The following TRAM2 variants were observed in gnomAD, a reference collection of about 807,000 sequenced individuals.
TRAM2 encodes the protein translocation associated membrane protein 2, also known as translocating chain-associated membrane protein 2.
TRAM2 carries 12 observed loss-of-function variants against 51.0 expected under a neutral mutation model. That is an observed-to-expected ratio of 0.24 (90% CI 0.15 to 0.38). The LOEUF is 0.38. TRAM2 is among the 10% of genes least tolerant of loss of function. TRAM2 has a pLI of 1.00. For synonymous variants in TRAM2, 175 were observed against 179.4 expected (o/e 0.98, Z 0.20); for missense variants, 361 against 462.0 (o/e 0.78, Z 2.00).
chr6:52,525,240 C>T (rs1434107372), intron 2 of TRAM2: 1 of 152,274 alleles, frequency 6.6e-6, no homozygotes, highest in Non-Finnish European at 1.5e-5. Flanking sequence ...CCCTTCAAAT[C>T]ACACAGAAGG....
intron 2 of TRAM2, chr6:52,516,976 A>G (rs1035383369): frequency 3.9e-6 from 2 of 514,402 alleles, no homozygotes; most frequent in Admixed American, 3.3e-5. Context: ...TCATAACAGT[A>G]TCTCCTGAGT....
intron 2 of TRAM2, among the ~76,000 whole-genome samples, chr6:52,521,392 T>C (rs1185918671): frequency 1.3e-5 from 2 of 151,988 alleles, no homozygotes; most frequent in Non-Finnish European, 2.9e-5. Flanking sequence ...CCACTAATTC[T>C]TATAAAAATC....
At chr6:52,506,574 A>G (rs1233517846) in intron 7 of TRAM2, among the ~76,000 whole-genome samples, 4 of 152,204 alleles carry the variant, frequency 2.6e-5, no homozygotes, top group African/African-American at 4.8e-5. Flanking sequence ...AGAAGCAGCA[A>G]GTGCTCCTTC....
chr6:52,524,913 C>T (rs1060912), intron 2 of TRAM2: 88,706 of 152,060 alleles, frequency 0.58, 27,743 homozygotes, highest in Non-Finnish European at 0.72. Flanking sequence ...CACAGAGCTA[C>T]ACACTGTAAG....
intron 1 of TRAM2, among the ~76,000 whole-genome samples, chr6:52,573,293 A>T (rs2114112551): frequency 6.6e-6 from 1 of 152,230 alleles, no homozygotes; most frequent in Middle Eastern, 3.4e-3. Context: ...AATCTGATAC[A>T]CATACCCCCC....
At chr6:52,554,757 G>A (rs12204327) in intron 1 of TRAM2, among the ~76,000 whole-genome samples, 1 of 146,902 alleles carries the variant, frequency 6.8e-6, no homozygotes, top group Non-Finnish European at 1.5e-5. Context: ...TTTCCACTTA[G>A]AGTCAATCCT....
intron 4 of TRAM2, among the ~76,000 whole-genome samples, chr6:52,513,004 C>G (rs1183901975): frequency 6.6e-6 from 1 of 152,146 alleles, no homozygotes; most frequent in Non-Finnish European, 1.5e-5. Flanking sequence ...CAGGGAAGAC[C>G]AAACGCCCAC....
intron 4 of TRAM2, among the ~76,000 whole-genome samples, chr6:52,512,426 G>A (rs969156597): frequency 2.0e-5 from 3 of 152,194 alleles, no homozygotes; most frequent in Non-Finnish European, 4.4e-5. Flanking sequence ...GAGGAAAAAT[G>A]ACTCACTGCT....
intron 1 of TRAM2, among the ~76,000 whole-genome samples, chr6:52,542,311 T>A (rs1581886806): frequency 6.7e-6 from 1 of 148,560 alleles, no homozygotes. Flanking sequence ...TTTCCTGGAG[T>A]GTTTATGTCC....
At chr6:52,518,057 T>A (rs1562478004) in intron 2 of TRAM2, among the ~76,000 whole-genome samples, 1 of 152,032 alleles carries the variant, frequency 6.6e-6, no homozygotes, top group African/African-American at 2.4e-5. Context: ...CCACCCCCGG[T>A]TGGAAAACAT....
intron 1 of TRAM2, among the ~76,000 whole-genome samples, chr6:52,572,421 T>C (rs951368332): frequency 6.6e-5 from 10 of 152,172 alleles, no homozygotes; most frequent in Non-Finnish European, 1.3e-4. Context: ...CTAGCCAACA[T>C]GGTGAAACCC....
At chr6:52,536,727 C>T (rs907335150) in intron 1 of TRAM2, among the ~76,000 whole-genome samples, 3 of 152,126 alleles carry the variant, frequency 2.0e-5, no homozygotes, top group Non-Finnish European at 1.5e-5. Context: ...CAGCTGCTAG[C>T]GTTGTTCAAA....
chr6:52,524,469 A>G (rs1766735609), intron 2 of TRAM2: 1 of 151,780 alleles, frequency 6.6e-6, no homozygotes, highest in Non-Finnish European at 1.5e-5. Context: ...GGGGTGTGAA[A>G]GGGACGGAGG....
chr6:52,522,896 C>A (rs139797441), intron 2 of TRAM2: 1 of 702,438 alleles, frequency 1.4e-6, no homozygotes, highest in Non-Finnish European at 2.6e-6. Context: ...CACCTGCAAG[C>A]GGCTTCTCCT....
At position 52,505,618 on chromosome 6, in the gene TRAM2, A is replaced by G; in HGVS notation, c.856T>C (p.Phe286Leu). Residue 286 changes from phenylalanine (F) to leucine (L), a missense_variant, in exon 9 of 11, where the codon TTC becomes CTC. Phe to Leu is a conservative substitution (Grantham distance 22, BLOSUM62 0). Coordinates refer to ENST00000182527, the MANE Select transcript of TRAM2 (RefSeq NM_012288.4). ...ACTCACCTGCAAAACAAAGTGTTGA[A>G]GTTCCCTTTCTCGGGATCAAATGCC... ...NQAFDPEKGN[F>L]NTLFCRLCVL... 6.2e-7 allele frequency: 1 copy of G among 1,612,580 alleles called. No individual in the cohort carries two copies. The highest frequency in any genetic ancestry group is 8.5e-7 in the Non-Finnish European group (1 of 1,178,948).
intron 2 of TRAM2, among the ~76,000 whole-genome samples, chr6:52,526,114 T>C (rs1418540729): frequency 6.6e-6 from 1 of 151,182 alleles, no homozygotes. Flanking sequence ...CAGTTTGTGG[T>C]ACTTTGTTAT....
At chr6:52,521,565 C>A (rs561161443) in intron 2 of TRAM2, among the ~76,000 whole-genome samples, 1 of 151,792 alleles carries the variant, frequency 6.6e-6, no homozygotes, top group African/African-American at 2.4e-5. Context: ...GGCGTGGTGG[C>A]GGGCACCTGT....
At chr6:52,506,172 A>G (rs749642400) in intron 7 of TRAM2, 36 bp from the exon 8 acceptor site, 1 of 1,588,712 alleles carries the variant, frequency 6.3e-7, no homozygotes, top group Admixed American at 1.7e-5. Context: ...CATTCCCTCC[A>G]AGATGCTGCG....
chr6:52,569,304 C>T (rs961674626), intron 1 of TRAM2, among the ~76,000 whole-genome samples: 11 of 150,730 alleles, frequency 7.3e-5, no homozygotes, highest in Admixed American at 6.6e-4. Context: ...GTGGGAGAAT[C>T]GCTTGAACCC....
Sources: allele counts gnomAD v4.1 joint callset (sites outside exome capture counted in the v4.1 genomes callset), GRCh38; gene constraint gnomAD v4.1.1; transcripts MANE v1.5; gene names NCBI Gene and HGNC (gene_info 2026-07-23, HGNC 2026-07-21).